Variants in GABRR2 observed in about 807,000 individuals in gnomAD.
The protein encoded by GABRR2 is gamma-aminobutyric acid receptor subunit rho-2.
GABRR2 carries 36 observed loss-of-function variants against 47.0 expected under a neutral mutation model. That is an observed-to-expected ratio of 0.77 (90% CI 0.59 to 1.01). The LOEUF is 1.01. Ranked by LOEUF, GABRR2 falls within the 50% of genes least tolerant of loss-of-function variation. The pLI is 0.00. For synonymous variants in GABRR2, 204 were observed against 227.5 expected (o/e 0.90, Z 0.93); for missense variants, 587 against 594.6 (o/e 0.99, Z 0.13).
intron 2 of GABRR2, among the ~76,000 whole-genome samples, chr6:89,295,956 C>T (rs1201795010): frequency 1.3e-5 from 2 of 152,200 alleles, no homozygotes; most frequent in Non-Finnish European, 2.9e-5. Flanking sequence ...GGTATTATTT[C>T]TGTGGGTTCT....
Position 89,265,659 on chromosome 6 carries a change from C to T in GABRR2, c.843G>A (p.Val281=). 6.2e-7 allele frequency: 1 copy of T among 1,614,178 alleles called. No individual in the cohort carries two copies. Among genetic ancestry groups the T allele is most frequent in the African/African-American group, 1.3e-5 (1 of 75,046 alleles). The change falls in exon 7 of 9, where the codon GTG becomes GTA. Residue 281 remains valine (V), a synonymous_variant. Transcript: ENST00000402938. ...CAGCTCTGCGGTCGATCCAGAAGGA[C>T]ACCCAGGACAGCATGACCATCAGAG... is the stretch of plus-strand genomic sequence containing the variant. The part of the protein sequence containing the change: ...PATLMVMLSW[V]SFWIDRRAVP...
Position 89,315,102 on chromosome 6 carries a change from T to G in GABRR2, c.64A>C (p.Lys22Gln), listed in dbSNP as rs1175959218. 6.2e-7 allele frequency: 1 copy of G among 1,614,000 alleles called. No homozygotes were observed. The highest frequency in any genetic ancestry group is 1.1e-5 in the South Asian group (1 of 91,084). ...CCTGTCCATCGCTTCCTCTTGGGTT[T>G]TCTGCTCTCCACGAGAACCATCAAG... ...FCLMVLVESRKPKRKRWTGQV... is the reference protein window; with the variant it reads ...FCLMVLVESRQPKRKRWTGQV... Residue 22 changes from lysine to glutamine, a missense_variant, in exon 1 of 9, where the codon AAA becomes CAA. Transcript: ENST00000402938.
At chr6:89,298,389 T>A (rs1316909484) in intron 2 of GABRR2, among the ~76,000 whole-genome samples, 5 of 152,208 alleles carry the variant, frequency 3.3e-5, no homozygotes, top group African/African-American at 1.2e-4. Context: ...ACATACATTA[T>A]CTTGTTTAAT....
intron 1 of GABRR2, chr6:89,302,485 ACCT>A: frequency 3.0e-6 from 2 of 662,712 alleles, no homozygotes; most frequent in Non-Finnish European, 5.3e-6. Context: ...CAGGATCACT[ACCT>A]CCTTGTGCTT....
At chr6:89,299,088 GA>G (rs1214607707) in intron 2 of GABRR2, among the ~76,000 whole-genome samples, 1 of 152,182 alleles carries the variant, frequency 6.6e-6, no homozygotes, top group Non-Finnish European at 1.5e-5. Flanking sequence ...AACTGACTAA[GA>G]CACTGTCCAC....
chr6:89,311,520 C>T (rs1012879324), intron 1 of GABRR2, among the ~76,000 whole-genome samples: 2 of 152,192 alleles, frequency 1.3e-5, no homozygotes, highest in Non-Finnish European at 2.9e-5. Context: ...ACCCTAGACT[C>T]CTTCCTGAGC....
intron 1 of GABRR2, among the ~76,000 whole-genome samples, chr6:89,310,290 G>C (rs994659115): frequency 1.3e-5 from 2 of 152,076 alleles, no homozygotes; most frequent in Non-Finnish European, 2.9e-5. Context: ...CCCAACCCCT[G>C]GTCCTACAGG....
At chr6:89,263,877 T>A (rs1052574675) in intron 8 of GABRR2, among the ~76,000 whole-genome samples, 5 of 152,200 alleles carry the variant, frequency 3.3e-5, no homozygotes, top group African/African-American at 9.6e-5. Flanking sequence ...GGTTTTTTTT[T>A]AAAGAAATAT....
At chr6:89,302,375 G>A (rs1767463553) in intron 1 of GABRR2, 2 of 567,542 alleles carry the variant, frequency 3.5e-6, no homozygotes, top group East Asian at 4.6e-5. Context: ...GAGACCTACT[G>A]CATCAACAAG....
At chr6:89,271,908 G>T in intron 2 of GABRR2, among the ~76,000 whole-genome samples, 186 bp from the exon 3 acceptor site, 1 of 152,204 alleles carries the variant, frequency 6.6e-6, no homozygotes, top group South Asian at 2.1e-4. Flanking sequence ...ACAACGTCAG[G>T]GACTGTGCCT....
At chr6:89,260,265 T>C (rs937715115) in intron 8 of GABRR2, among the ~76,000 whole-genome samples, 2 of 152,188 alleles carry the variant, frequency 1.3e-5, no homozygotes, top group African/African-American at 2.4e-5. Flanking sequence ...TTGTGTGATA[T>C]TATCATTGGG....
intron 2 of GABRR2, among the ~76,000 whole-genome samples, chr6:89,297,001 A>T (rs1280699986): frequency 2.0e-5 from 3 of 152,172 alleles, no homozygotes; most frequent in Non-Finnish European, 1.5e-5. Flanking sequence ...CAGGCTCCTG[A>T]TAGCATCACT....
At chr6:89,280,576 C>T (rs1774242726) in intron 2 of GABRR2, among the ~76,000 whole-genome samples, 1 of 152,146 alleles carries the variant, frequency 6.6e-6, no homozygotes, top group African/African-American at 2.4e-5. Context: ...ACTCCACAGG[C>T]CCTAACAAGG....
chr6:89,288,760 A>G (rs1188297814), intron 2 of GABRR2, among the ~76,000 whole-genome samples: 2 of 151,978 alleles, frequency 1.3e-5, no homozygotes, highest in African/African-American at 4.8e-5. Flanking sequence ...TCCCACTTCA[A>G]CCTCCCAAGT....
rs1222203938 is a variant in GABRR2 at position 89,255,597 on chromosome 6, G to C, written c.*2073C>G. Among the ~76,000 whole-genome samples the C allele has an allele frequency of 6.6e-6, 1 of 152,142 alleles. No individual in the cohort carries two copies. The highest frequency in any genetic ancestry group is 1.5e-5 in the Non-Finnish European group (1 of 68,038). ...GGGGAAGCTGTCCTCATAAGCACCGGCATGGTGGGGACCTGCCTTGATCCC... is the reference window on the plus strand; with the variant it reads ...GGGGAAGCTGTCCTCATAAGCACCGCCATGGTGGGGACCTGCCTTGATCCC... On this transcript the variant is annotated 3_prime_UTR_variant, in exon 9 of 9. Coordinates refer to ENST00000402938, the MANE Select transcript of GABRR2 (RefSeq NM_002043.5).
At chr6:89,312,882 G>A (rs1163848496) in intron 1 of GABRR2, among the ~76,000 whole-genome samples, 1 of 152,174 alleles carries the variant, frequency 6.6e-6, no homozygotes, top group African/African-American at 2.4e-5. Context: ...TCATGGGCTG[G>A]ATTTCAACAA....
intron 1 of GABRR2, among the ~76,000 whole-genome samples, chr6:89,307,543 C>A (rs1189918765): frequency 6.6e-6 from 1 of 152,156 alleles, no homozygotes; most frequent in African/African-American, 2.4e-5. Context: ...GGTAGAGCAA[C>A]ATTTGAGAAC....
At chr6:89,312,830 T>G (rs1299010718) in intron 1 of GABRR2, among the ~76,000 whole-genome samples, 1 of 152,214 alleles carries the variant, frequency 6.6e-6, no homozygotes, top group Non-Finnish European at 1.5e-5. Context: ...AATATTTTAC[T>G]TCCTTGAAAT....
chr6:89,310,371 C>T (rs1767660409), intron 1 of GABRR2, among the ~76,000 whole-genome samples: 1 of 152,094 alleles, frequency 6.6e-6, no homozygotes, highest in African/African-American at 2.4e-5. Flanking sequence ...GAAACTGTGT[C>T]TTTCAGAACA....
Sources: allele counts gnomAD v4.1 joint callset (sites outside exome capture counted in the v4.1 genomes callset), GRCh38; gene constraint gnomAD v4.1.1; transcripts MANE v1.5; gene names NCBI Gene and HGNC (gene_info 2026-07-23, HGNC 2026-07-21).